The following NDST1 variants were observed in gnomAD, a reference collection of about 807,000 sequenced individuals.
NDST1 encodes the protein N-deacetylase and N-sulfotransferase 1, also known as bifunctional heparan sulfate N-deacetylase/N-sulfotransferase 1.
A neutral mutation model predicts 92.8 loss-of-function variants in NDST1; 35 were observed. The observed-to-expected ratio is 0.38, with a 90% CI of 0.29 to 0.50. The LOEUF (loss-of-function observed/expected upper bound fraction) is 0.50. Ranked by LOEUF, NDST1 falls within the 20% of genes least tolerant of loss-of-function variation. The pLI is 0.94. For missense variants in NDST1, 822 were observed against 1,182.7 expected, an observed-to-expected ratio of 0.69 and a Z score of 4.47; for synonymous variants, 493 against 500.3, an observed-to-expected ratio of 0.99 and a Z score of 0.19.
chr5:150,556,929 T>C lies in NDST1; in HGVS notation c.*3597T>C, dbSNP rs1290126596. On this transcript the variant is annotated 3_prime_UTR_variant, in exon 15 of 15. Coordinates refer to ENST00000261797, the MANE Select transcript of NDST1 (RefSeq NM_001543.5). ...CTTCCCTCAGCTCACTTTGAGTTTT[T>C]AAATGACATTGTTTTTGAGGCCCTA... is the stretch of plus-strand genomic sequence containing the variant. The C allele has an allele frequency of 6.5e-6, 1 of 152,690 alleles. No homozygotes were observed. The allele number at this position is 152,690 out of a possible 1,614,324, so 9.5% of individuals were successfully genotyped here. A position where few individuals can be genotyped will look rare whatever the true frequency, so the allele number is the denominator to read the frequency against.
chr5:150,525,040 G>T (rs919775128), intron 2 of NDST1, among the ~76,000 whole-genome samples: 1 of 152,222 alleles, frequency 6.6e-6, no homozygotes, highest in Non-Finnish European at 1.5e-5. Context: ...TAATGGTGAG[G>T]TCTGTGCTTG....
At chr5:150,520,162 T>C (rs933034202) in intron 1 of NDST1, among the ~76,000 whole-genome samples, 7 of 152,174 alleles carry the variant, frequency 4.6e-5, no homozygotes, top group African/African-American at 1.4e-4. Flanking sequence ...CTCAGACATA[T>C]TTACTTAACG....
At chr5:150,541,708 C>CT in intron 9 of NDST1, 42 bp downstream of exon 9, 1 of 1,564,138 alleles carries the variant, frequency 6.4e-7, no homozygotes. Context: ...CAACTGCCTG[C>CT]TGTCTCAGCC....
intron 10 of NDST1, 132 bp from the exon 11 acceptor site, chr5:150,545,180 T>A: frequency 9.5e-7 from 1 of 1,051,608 alleles, no homozygotes; most frequent in Non-Finnish European, 1.5e-6. Flanking sequence ...CAAGTCCTTG[T>A]TTGGTTGGGA....
At chr5:150,499,908 A>G (rs1361422955) in intron 1 of NDST1, among the ~76,000 whole-genome samples, 1 of 151,932 alleles carries the variant, frequency 6.6e-6, no homozygotes, top group Non-Finnish European at 1.5e-5. Flanking sequence ...TCAGGTCCAG[A>G]CCTCTGTGTG....
chr5:150,500,045 G>A (rs1389132542), intron 1 of NDST1, among the ~76,000 whole-genome samples: 2 of 152,164 alleles, frequency 1.3e-5, no homozygotes, highest in Non-Finnish European at 2.9e-5. Context: ...CAGCTCCCTT[G>A]TCCAACTGTC....
chr5:150,502,536 A>G (rs1348194482), intron 1 of NDST1, among the ~76,000 whole-genome samples: 1 of 152,050 alleles, frequency 6.6e-6, no homozygotes, highest in Non-Finnish European at 1.5e-5. Context: ...GGCATGGTGC[A>G]CATGGGTGCT....
At chr5:150,526,115 G>T (rs1754466087) in intron 2 of NDST1, among the ~76,000 whole-genome samples, 1 of 152,070 alleles carries the variant, frequency 6.6e-6, no homozygotes, top group African/African-American at 2.4e-5. Context: ...GCTATTCTTG[G>T]CCTCTACCTT....
intron 9 of NDST1, 117 bp downstream of exon 9, chr5:150,541,783 G>A (rs1172109456): frequency 4.3e-6 from 4 of 939,338 alleles, no homozygotes; most frequent in Non-Finnish European, 6.8e-6. Context: ...TCTTTCCCAG[G>A]AAGTAGGAAT....
Position 150,534,940 on chromosome 5 carries a change from G to A in NDST1, c.1170G>A (p.Met390Ile), listed in dbSNP as rs770178778. The change falls in exon 5 of 15, where the codon ATG becomes ATA. Residue 390 changes from methionine to isoleucine, a missense_variant. Physicochemically the swap from Met to Ile is conservative, Grantham distance 10. Coordinates refer to ENST00000261797, the MANE Select transcript of NDST1 (RefSeq NM_001543.5). ...AGGAGTTCTGGTGGTTCCCCCACAT[G>A]TGGAGCCACATGCAGCCCCACCTTT... is the stretch of plus-strand genomic sequence containing the variant. ...YVKEFWWFPH[M>I]WSHMQPHLFH... 5.6e-6 allele frequency: 9 copies of A among 1,614,266 alleles called. No homozygotes were observed. Among genetic ancestry groups the A allele is most frequent in the Non-Finnish European group, 6.8e-6 (8 of 1,180,048 alleles).
Position 150,553,358 on chromosome 5 carries a change from C to T in NDST1, c.*26C>T, listed in dbSNP as rs776074315. The stretch of plus-strand genomic sequence containing the variant: ...CCGTGGCCACCACAGCCAGACTGAA[C>T]GTTTGTGAAAGCTGGGACATCCCAC... On this transcript the variant is annotated 3_prime_UTR_variant, in exon 15 of 15. Coordinates refer to ENST00000261797, the MANE Select transcript of NDST1 (RefSeq NM_001543.5). The surrounding 1 kb of genome is among the most constrained non-coding windows in gnomAD (Gnocchi z 4.2). 4.3e-6 allele frequency: 7 copies of T among 1,609,906 alleles called. No individual in the cohort carries two copies. The highest frequency in any genetic ancestry group is 1.7e-4 in the Middle Eastern group (1 of 6,040).
intron 2 of NDST1, among the ~76,000 whole-genome samples, 191 bp from the exon 3 acceptor site, chr5:150,527,613 C>T (rs1754530902): frequency 6.6e-6 from 1 of 152,174 alleles, no homozygotes; most frequent in Admixed American, 6.5e-5. Context: ...TAGTGCCTGG[C>T]TTTGGTAAGT....
At chr5:150,530,557 ATTTTTTTTTTT>A (rs71589713) in intron 3 of NDST1, among the ~76,000 whole-genome samples, 46,440 of 127,726 alleles carry the variant, frequency 0.36, 8,657 homozygotes, top group Admixed American at 0.44. Context: ...CGTATTTTAA[ATTTTTTTTTTT>A]TTTTTTTTTT....
At position 150,553,856 on chromosome 5, in the gene NDST1, C is replaced by T. The variant is rs866492461; in HGVS notation, c.*524C>T. The T allele has an allele frequency of 2.3e-6, 1 of 431,700 alleles. No individual in the cohort carries two copies. Among genetic ancestry groups the T allele is most frequent in the Non-Finnish European group, 4.1e-6 (1 of 244,514 alleles). 26.7% of individuals were successfully genotyped at this position (431,700 alleles called of 1,614,324 possible). ...CCTAGGCTGGATGGGAGGGTGGCCC[C>T]CTCAAGAGGACTCCCAGCCTCCACA... On this transcript the variant is annotated 3_prime_UTR_variant, in exon 15 of 15. Transcript: ENST00000261797. This position sits in a 1 kb window ranked among gnomAD's most constrained non-coding sequence, Gnocchi z 4.2.
At chr5:150,524,297 G>A (rs3846709) in intron 2 of NDST1, among the ~76,000 whole-genome samples, 2 of 152,172 alleles carry the variant, frequency 1.3e-5, no homozygotes, top group South Asian at 2.1e-4. Context: ...GGTAGCTATC[G>A]TGCTTTGTCA....
At chr5:150,507,378 C>T (rs938379191), upstream of NDST1, among the ~76,000 whole-genome samples, 1 of 152,126 alleles carries the variant, frequency 6.6e-6, no homozygotes. Flanking sequence ...CAGCTGGGTG[C>T]TTTTAAGCAT....
chr5:150,523,548 T>G (rs1032668199), intron 2 of NDST1, among the ~76,000 whole-genome samples: 8 of 152,088 alleles, frequency 5.3e-5, no homozygotes, highest in African/African-American at 1.9e-4. Flanking sequence ...TGAGTATAGG[T>G]CTGGGATTTG....
At position 150,555,119 on chromosome 5, in the gene NDST1, A is replaced by G. The variant is rs957675363; in HGVS notation, c.*1787A>G. The G allele has an allele frequency of 6.5e-6, 1 of 152,724 alleles. No individual in the cohort carries two copies. The highest frequency in any genetic ancestry group is 1.5e-5 in the Non-Finnish European group (1 of 68,154). 9.5% of individuals were successfully genotyped at this position (152,724 alleles called of 1,614,324 possible). ...GTTGAACCCGAGGCTCCCGGTTCCA[A>G]GTCCCATCGTGCTCCTCTTCCAATG... is the stretch of plus-strand genomic sequence containing the variant. On this transcript the variant is annotated 3_prime_UTR_variant, in exon 15 of 15. Coordinates refer to ENST00000261797, the MANE Select transcript of NDST1 (RefSeq NM_001543.5).
intron 3 of NDST1, among the ~76,000 whole-genome samples, chr5:150,528,567 G>A (rs776452297): frequency 6.6e-6 from 1 of 152,072 alleles, no homozygotes; most frequent in Non-Finnish European, 1.5e-5. Context: ...GAGGTAGGCG[G>A]ATCACTTGAG....
Sources: allele counts gnomAD v4.1 joint callset (sites outside exome capture counted in the v4.1 genomes callset), GRCh38; gene constraint gnomAD v4.1.1; non-coding constraint Gnocchi (gnomAD v3.1); transcripts MANE v1.5; gene names NCBI Gene and HGNC (gene_info 2026-07-23, HGNC 2026-07-21).